Variants in LETMD1 observed in about 807,000 individuals in gnomAD.
LETMD1 encodes the protein LETM1 domain containing 1, also known as LETM1 domain-containing protein 1.
Under a neutral mutation model 43.9 loss-of-function variants are expected in LETMD1, and 30 were observed. That is an observed-to-expected ratio of 0.68 (90% CI 0.51 to 0.93). LETMD1 has a LOEUF of 0.93. Among genes scored for constraint, LETMD1 ranks in the 40% least tolerant of loss-of-function variants. The pLI, the probability that LETMD1 is intolerant of heterozygous loss-of-function variation, is 0.00. For synonymous variants in LETMD1, 176 were observed against 163.1 expected, an observed-to-expected ratio of 1.08 and a Z score of -0.60; for missense variants, 413 against 447.7, an observed-to-expected ratio of 0.92 and a Z score of 0.70.
At chr12:51,064,138 T>C (rs142643949), downstream of LETMD1, 383 of 1,614,188 alleles carry the variant, frequency 2.4e-4, 1 homozygote, top group African/African-American at 1.8e-3. Context: ...AGGGGCCCAC[T>C]GTTCAAGTAG....
upstream of LETMD1, chr12:51,048,244 T>A (rs1944869213): frequency 1.4e-6 from 2 of 1,395,932 alleles, no homozygotes; most frequent in Non-Finnish European, 2.0e-6. Context: ...CCAAGCAGGC[T>A]ATGGCTACCA....
rs1483029329 is a variant in LETMD1 at position 51,052,081 on chromosome 12, T to G, written c.275-11T>G. On this transcript the variant is annotated splice_polypyrimidine_tract_variant and intron_variant, in intron 2 of 8. Transcript: ENST00000262055. Reference sequence around the variant, plus strand: ...TAACATCACACTCTGTCCTCTACTTTAATGAGGCAGGATTGCAGATGTTAT... The same window carrying G: ...TAACATCACACTCTGTCCTCTACTTGAATGAGGCAGGATTGCAGATGTTAT... 1.2e-6 allele frequency: 2 copies of G among 1,612,080 alleles called. No homozygotes were observed. Among genetic ancestry groups the G allele is most frequent in the Admixed American group, 3.3e-5 (2 of 59,794 alleles).
chr12:51,049,002 T>C (rs1945164541), intron 1 of LETMD1, 32 bp from the exon 2 acceptor site: 1 of 1,603,024 alleles, frequency 6.2e-7, no homozygotes, highest in Non-Finnish European at 8.5e-7. Context: ...CTAGGACTGA[T>C]TCCCAGATAG....
downstream of LETMD1, among the ~76,000 whole-genome samples, chr12:51,065,041 C>T (rs1315559354): frequency 6.6e-6 from 1 of 152,132 alleles, no homozygotes; most frequent in Non-Finnish European, 1.5e-5. Context: ...ATTTACGAGC[C>T]TCAGAGACTT....
intron 2 of LETMD1, among the ~76,000 whole-genome samples, chr12:51,051,162 T>A (rs1410733699): frequency 6.6e-6 from 1 of 152,040 alleles, no homozygotes; most frequent in Non-Finnish European, 1.5e-5. Flanking sequence ...TCCTAGCACT[T>A]TGGGAGGCCA....
intron 2 of LETMD1, 28 bp from the exon 3 acceptor site, chr12:51,052,064 C>T: frequency 3.1e-6 from 5 of 1,601,336 alleles, no homozygotes; most frequent in Non-Finnish European, 4.3e-6. Flanking sequence ...GATAACATCA[C>T]ACTCTGTCCT....
At chr12:51,049,488 A>G (rs527262922) in intron 2 of LETMD1, 14 of 294,558 alleles carry the variant, frequency 4.8e-5, no homozygotes, top group Admixed American at 2.3e-4. Context: ...TGCACACGGC[A>G]GGGATCTGTG....
the LETMD1 span, among the ~76,000 whole-genome samples, chr12:51,066,844 T>G: frequency 6.6e-6 from 1 of 152,304 alleles, no homozygotes; most frequent in South Asian, 2.1e-4. Context: ...GCTAACTTTT[T>G]GAGACAGGGT....
intron 4 of LETMD1, 66 bp downstream of exon 4, chr12:51,053,926 C>A: frequency 2.0e-6 from 2 of 995,694 alleles, no homozygotes; most frequent in Non-Finnish European, 3.1e-6. Context: ...TTAAGAATTA[C>A]TTTAAACAGC....
chr12:51,061,391 T>A (rs920479689), downstream of LETMD1: 14 of 152,590 alleles, frequency 9.2e-5, no homozygotes, highest in African/African-American at 3.4e-4. Flanking sequence ...AGGGTTGTGG[T>A]AATAAGAGTC....
At position 51,059,599 on chromosome 12, in the gene LETMD1, C is replaced by G; in HGVS notation, c.*168C>G. ...ATGGCACACATGTGGGAACTGCAGA[C>G]ATTCCTCTCACAGCTAGAACTGAAA... On this transcript the variant is annotated 3_prime_UTR_variant, in exon 9 of 9. Transcript: ENST00000262055. 3.1e-6 allele frequency: 2 copies of G among 648,336 alleles called. No homozygotes were observed. Among genetic ancestry groups the G allele is most frequent in the East Asian group, 2.8e-5 (1 of 35,616 alleles). 40.2% of individuals were successfully genotyped at this position (648,336 alleles called of 1,614,324 possible).
chr12:51,058,356 T>G, intron 8 of LETMD1: 2 of 526,066 alleles, frequency 3.8e-6, no homozygotes, highest in Non-Finnish European at 6.8e-6. Context: ...GAATGCATGC[T>G]AGTGTGAATT....
intron 4 of LETMD1, among the ~76,000 whole-genome samples, chr12:51,054,969 G>A (rs764657297): frequency 2.6e-5 from 4 of 151,962 alleles, no homozygotes; most frequent in Non-Finnish European, 4.4e-5. Context: ...GCGTGGTGGC[G>A]GGTGCCTGTA....
At chr12:51,058,933 GA>G (rs1320783246) in intron 8 of LETMD1, 2 of 199,130 alleles carry the variant, frequency 1.0e-5, no homozygotes, top group African/African-American at 4.7e-5. Context: ...ACAGTCTGCT[GA>G]CCAAACACAA....
chr12:51,058,954 G>A (rs998296863), intron 8 of LETMD1: 3 of 219,546 alleles, frequency 1.4e-5, no homozygotes, highest in African/African-American at 4.6e-5. Context: ...AAGCATCTGA[G>A]GGTATGTATT....
chr12:51,053,185 T>G (rs1391405001), intron 3 of LETMD1, among the ~76,000 whole-genome samples: 1 of 152,000 alleles, frequency 6.6e-6, no homozygotes, highest in Non-Finnish European at 1.5e-5. Context: ...GATGGGTCGT[T>G]TTGAAGCTGA....
intron 7 of LETMD1, 41 bp downstream of exon 7, chr12:51,056,543 T>G: frequency 6.2e-7 from 1 of 1,612,606 alleles, no homozygotes; most frequent in Non-Finnish European, 8.5e-7. Context: ...ACCCTTGGTG[T>G]GCTTTTGAGC....
Position 51,052,393 on chromosome 12 carries a change from T to C in LETMD1, c.390+186T>C, listed in dbSNP as rs1946415860. On this transcript the variant is annotated intron_variant, in intron 3 of 8. Coordinates refer to ENST00000262055, the MANE Select transcript of LETMD1 (RefSeq NM_015416.5). ...TAAGAATTGGGTTCATCCAGAGTTGTAGCCCTCCATAGCAAGAGCTCCATA... is the reference window on the plus strand; with the variant it reads ...TAAGAATTGGGTTCATCCAGAGTTGCAGCCCTCCATAGCAAGAGCTCCATA... The C allele has an allele frequency of 6.9e-6, 4 of 580,148 alleles. No individual in the cohort carries two copies. In the South Asian group the frequency reaches 7.8e-5, roughly 11 times the overall value. The allele number at this position is 580,148 out of a possible 1,614,324, so 35.9% of individuals were successfully genotyped here.
rs1394566187 is a variant in LETMD1 at position 51,056,274 on chromosome 12, A to G, written c.762+29A>G. 2.5e-6 allele frequency: 4 copies of G among 1,613,602 alleles called. No homozygotes were observed. The South Asian group carries it at 3.3e-5, about 13-fold the overall frequency. On this transcript the variant is annotated intron_variant, in intron 6 of 8. Coordinates refer to ENST00000262055, the MANE Select transcript of LETMD1 (RefSeq NM_015416.5). ...AGCACTTTGAGGGCTTCTCTTTTCCATAGCATCACCATGTTTCAGGTGTTT... is the reference window on the plus strand; with the variant it reads ...AGCACTTTGAGGGCTTCTCTTTTCCGTAGCATCACCATGTTTCAGGTGTTT...
Sources: allele counts gnomAD v4.1 joint callset (sites outside exome capture counted in the v4.1 genomes callset), GRCh38; gene constraint gnomAD v4.1.1; transcripts MANE v1.5; gene names NCBI Gene and HGNC (gene_info 2026-07-23, HGNC 2026-07-21).